The following MACROD2 variants were observed in gnomAD, a reference collection of about 807,000 sequenced individuals.
MACROD2 encodes mono-ADP ribosylhydrolase 2.
MACROD2 carries 36 observed loss-of-function variants against 70.4 expected under a neutral mutation model. The observed-to-expected ratio is 0.51, with a 90% CI of 0.39 to 0.68. The LOEUF (loss-of-function observed/expected upper bound fraction) is 0.68. Ranked by LOEUF, MACROD2 falls within the 30% of genes least tolerant of loss-of-function variation. MACROD2 has a pLI of 0.00. For missense variants in MACROD2, 496 were observed against 538.4 expected (o/e 0.92, Z 0.78); for synonymous variants, 172 against 178.8 (o/e 0.96, Z 0.30).
intron 8 of MACROD2, among the ~76,000 whole-genome samples, chr20:15,790,282 A>T (rs1028009750): frequency 1.3e-5 from 2 of 151,988 alleles, no homozygotes; most frequent in Non-Finnish European, 2.9e-5. Context: ...AATATTCAGC[A>T]TCAAGTTAAA....
chr20:14,688,114 G>T (rs1302217146), intron 5 of MACROD2, among the ~76,000 whole-genome samples: 1 of 152,020 alleles, frequency 6.6e-6, no homozygotes, highest in East Asian at 1.9e-4. Context: ...ATACTGTTTG[G>T]GTCATTTTTC....
chr20:15,985,257 C>G (rs1291562421), intron 13 of MACROD2, among the ~76,000 whole-genome samples: 1 of 152,130 alleles, frequency 6.6e-6, no homozygotes. Flanking sequence ...CACACACACT[C>G]ACCACAAGAC....
chr20:14,988,259 G>C (rs2074867023), intron 5 of MACROD2, among the ~76,000 whole-genome samples: 1 of 149,256 alleles, frequency 6.7e-6, no homozygotes, highest in African/African-American at 2.5e-5. Context: ...AACTACTCGG[G>C]AGGTTGAGGC....
intron 5 of MACROD2, among the ~76,000 whole-genome samples, chr20:15,113,479 C>CA (rs1219921934): frequency 6.6e-6 from 1 of 152,142 alleles, no homozygotes; most frequent in African/African-American, 2.4e-5. Context: ...GATGAAATGT[C>CA]AGTGTTTTTG....
chr20:15,216,807 C>T (rs545294361), intron 5 of MACROD2, among the ~76,000 whole-genome samples: 1 of 152,326 alleles, frequency 6.6e-6, no homozygotes, highest in Non-Finnish European at 1.5e-5. Flanking sequence ...CTGCTCCTCA[C>T]ATTCTCTGCC....
In MACROD2 at chr20:14,326,679, C is replaced by T. The variant is rs780778475; in HGVS notation, c.272-166800C>T. The T allele has an allele frequency of 3.1e-6, 5 of 1,613,732 alleles. No homozygotes were observed. The highest frequency in any genetic ancestry group is 4.2e-6 in the Non-Finnish European group (5 of 1,179,822). On this transcript the variant is annotated intron_variant, in intron 3 of 17. Transcript: ENST00000684519. This position sits in a 1 kb window ranked among gnomAD's most constrained non-coding sequence, Gnocchi z 5.5. The stretch of plus-strand genomic sequence containing the variant: ...TACTTAGGTTATTATTGGACATATC[C>T]AGTCGATAGAGCTGCCTTAGATAAG...
At chr20:16,006,410 A>G (rs1251011886) in intron 15 of MACROD2, among the ~76,000 whole-genome samples, 2 of 152,250 alleles carry the variant, frequency 1.3e-5, no homozygotes, top group African/African-American at 4.8e-5. Flanking sequence ...TTGTAGTTCA[A>G]GCAGTTCATA....
At chr20:14,587,461 T>A (rs1981460987) in intron 4 of MACROD2, among the ~76,000 whole-genome samples, 1 of 151,812 alleles carries the variant, frequency 6.6e-6, no homozygotes, top group South Asian at 2.1e-4. Flanking sequence ...TAAATAGGCA[T>A]TCTTAGTTAA....
chr20:15,005,464 C>T (rs1299295629), intron 5 of MACROD2, among the ~76,000 whole-genome samples: 1 of 152,168 alleles, frequency 6.6e-6, no homozygotes, highest in Non-Finnish European at 1.5e-5. Flanking sequence ...GTATGTTCTA[C>T]TTAATCAAAT....
chr20:14,982,814 G>A (rs2074813700), intron 5 of MACROD2, among the ~76,000 whole-genome samples: 1 of 152,208 alleles, frequency 6.6e-6, no homozygotes, highest in Non-Finnish European at 1.5e-5. Context: ...TGGGCAGTGT[G>A]GGGTGGGAGC....
chr20:15,780,606 C>T (rs6135511), intron 8 of MACROD2, among the ~76,000 whole-genome samples: 26,423 of 151,974 alleles, frequency 0.17, 2,513 homozygotes, highest in Non-Finnish European at 0.21. Flanking sequence ...AATTTAAATA[C>T]CTAAATGTCA....
intron 3 of MACROD2, among the ~76,000 whole-genome samples, chr20:14,344,564 G>A (rs1317005539): frequency 6.6e-6 from 1 of 151,998 alleles, no homozygotes; most frequent in Non-Finnish European, 1.5e-5. Flanking sequence ...TGTTTTGTTT[G>A]ACATTTGAAG....
At chr20:15,610,984 CA>C in intron 8 of MACROD2, among the ~76,000 whole-genome samples, 1 of 103,318 alleles carries the variant, frequency 9.7e-6, no homozygotes, top group Non-Finnish European at 2.0e-5. Flanking sequence ...GTCTTTTAGC[CA>C]AAAATCTTTT....
intron 5 of MACROD2, among the ~76,000 whole-genome samples, chr20:15,063,574 T>C (rs947155507): frequency 1.3e-5 from 2 of 152,180 alleles, no homozygotes; most frequent in African/African-American, 4.8e-5. Context: ...AAAAGAAAAG[T>C]ATCAGGCCAG....
chr20:14,820,288 A>G (rs6135269), intron 5 of MACROD2, among the ~76,000 whole-genome samples: 10,822 of 151,722 alleles, frequency 0.071, 535 homozygotes, highest in East Asian at 0.21. Context: ...TCATTCTAAA[A>G]GGAGTCGTGG....
chr20:14,396,924 C>CAAAAA (rs373227803), intron 3 of MACROD2, among the ~76,000 whole-genome samples: 11,644 of 82,150 alleles, frequency 0.14, 1,078 homozygotes, highest in Non-Finnish European at 0.2. Context: ...GACTCCATCT[C>CAAAAA]AAAAAAAAAA....
At chr20:15,984,429 TC>T (rs1277883289) in intron 13 of MACROD2, among the ~76,000 whole-genome samples, 1 of 152,202 alleles carries the variant, frequency 6.6e-6, no homozygotes, top group Non-Finnish European at 1.5e-5. Context: ...TTAATGGTAC[TC>T]AGGAGGCCTT....
In MACROD2 at chr20:14,002,309, T is replaced by C; in HGVS notation, c.68T>C (p.Leu23Ser). 1.2e-6 allele frequency: 2 copies of C among 1,606,906 alleles called. No individual in the cohort carries two copies. The highest frequency in any genetic ancestry group is 1.7e-6 in the Non-Finnish European group (2 of 1,176,938). ...EEKERLLKMTLEERRKEYLRD... is the reference protein window; with the variant it reads ...EEKERLLKMTSEERRKEYLRD... ...CAAGAACGTTTATTGAAGATGACCTTAGAAGAGAGACGCAAAGAATACCTA... is the reference window on the plus strand; with the variant it reads ...CAAGAACGTTTATTGAAGATGACCTCAGAAGAGAGACGCAAAGAATACCTA... Residue 23 changes from leucine (L) to serine (S), a missense_variant, in exon 2 of 18, where the codon TTA becomes TCA. Physicochemically the swap from Leu to Ser is moderately radical, Grantham distance 145 (BLOSUM62 -2). Coordinates refer to ENST00000684519, the MANE Select transcript of MACROD2 (RefSeq NM_001351661.2).
At chr20:15,723,388 A>G (rs759556022) in intron 8 of MACROD2, among the ~76,000 whole-genome samples, 2 of 152,164 alleles carry the variant, frequency 1.3e-5, no homozygotes, top group African/African-American at 2.4e-5. Context: ...CCACCACTAT[A>G]GTATCTTACA....
Sources: allele counts gnomAD v4.1 joint callset (sites outside exome capture counted in the v4.1 genomes callset), GRCh38; gene constraint gnomAD v4.1.1; non-coding constraint Gnocchi (gnomAD v3.1); transcripts MANE v1.5; gene names NCBI Gene and HGNC (gene_info 2026-07-23, HGNC 2026-07-21).